MYO3B: variants seen among roughly 807,000 people sequenced by gnomAD.
MYO3B encodes the protein myosin-IIIb.
MYO3B carries 156 observed loss-of-function variants against 174.6 expected under a neutral mutation model. The observed-to-expected ratio is 0.89, with a 90% CI of 0.78 to 1.02. The LOEUF (loss-of-function observed/expected upper bound fraction) is 1.02, where lower values mean the gene tolerates loss of function less well. Ranked by LOEUF, MYO3B falls within the 50% of genes least tolerant of loss-of-function variation. The probability of loss-of-function intolerance (pLI) is 0.00; values close to 1 mark genes in which losing one functional copy is unlikely to be tolerated. For synonymous variants in MYO3B, 563 were observed against 569.1 expected (o/e 0.99, Z 0.15); for missense variants, 1,632 against 1,639.4 (o/e 1.00, Z 0.08).
At chr2:170,350,283 A>C (rs999257724) in intron 8 of MYO3B, 3 of 150,762 alleles carry the variant, frequency 2.0e-5, no homozygotes, top group Admixed American at 6.6e-5. Flanking sequence ...TAACTGTAAG[A>C]AGAAACATGA....
chr2:170,378,385 C>T (rs1174378653), intron 9 of MYO3B, among the ~76,000 whole-genome samples: 2 of 152,174 alleles, frequency 1.3e-5, no homozygotes, highest in African/African-American at 2.4e-5. Flanking sequence ...AGAAGTCTTG[C>T]ATCTACATCC....
At chr2:170,231,023 T>C (rs570400154) in intron 6 of MYO3B, among the ~76,000 whole-genome samples, 1 of 152,342 alleles carries the variant, frequency 6.6e-6, no homozygotes, top group African/African-American at 2.4e-5. Context: ...CTGTTGTTTT[T>C]CTCTGCCATT....
intron 28 of MYO3B, among the ~76,000 whole-genome samples, chr2:170,509,650 T>G (rs1575094385): frequency 6.6e-6 from 1 of 152,206 alleles, no homozygotes; most frequent in African/African-American, 2.4e-5. Flanking sequence ...AAGCTCAAAA[T>G]TGTTAAGACT....
At chr2:170,279,938 T>C (rs1048588422) in intron 7 of MYO3B, among the ~76,000 whole-genome samples, 1 of 152,230 alleles carries the variant, frequency 6.6e-6, no homozygotes, top group Non-Finnish European at 1.5e-5. Flanking sequence ...TGTGTGCATA[T>C]GTCTTTATGG....
intron 32 of MYO3B, among the ~76,000 whole-genome samples, chr2:170,591,836 T>G (rs1693836116): frequency 6.6e-6 from 1 of 152,202 alleles, no homozygotes; most frequent in Admixed American, 6.5e-5. Context: ...CGTATTGAAC[T>G]TAAAAACACA....
intron 23 of MYO3B, among the ~76,000 whole-genome samples, chr2:170,451,266 A>G (rs72878256): frequency 0.066 from 9,989 of 152,352 alleles, 425 homozygotes; most frequent in South Asian, 0.094. Flanking sequence ...TGATTTTAAT[A>G]TATACTAGCT....
At chr2:170,401,444 T>C (rs374793630) in intron 17 of MYO3B, 37 bp from the exon 18 acceptor site, 58 of 1,576,414 alleles carry the variant, frequency 3.7e-5, no homozygotes, top group Non-Finnish European at 4.4e-5. Flanking sequence ...AATGAAGGTC[T>C]GGCTACATTC....
chr2:170,592,228 A>G (rs1174756890), intron 32 of MYO3B, among the ~76,000 whole-genome samples: 1 of 152,180 alleles, frequency 6.6e-6, no homozygotes, highest in African/African-American at 2.4e-5. Flanking sequence ...AGGATGTTTC[A>G]GGCGTGGCAG....
At chr2:170,290,214 A>T (rs978179817) in intron 7 of MYO3B, among the ~76,000 whole-genome samples, 1 of 152,012 alleles carries the variant, frequency 6.6e-6, no homozygotes, top group African/African-American at 2.4e-5. Context: ...TGTGGAGTTT[A>T]ACTCTACTTT....
At chr2:170,459,933 G>A (rs935326987) in intron 23 of MYO3B, among the ~76,000 whole-genome samples, 1 of 152,246 alleles carries the variant, frequency 6.6e-6, no homozygotes, top group Admixed American at 6.5e-5. Context: ...AGGGCCGACT[G>A]AGCCTGCCCC....
chr2:170,551,325 A>G (rs1196046922), intron 32 of MYO3B, among the ~76,000 whole-genome samples: 1 of 88,010 alleles, frequency 1.1e-5, no homozygotes, highest in Non-Finnish European at 2.2e-5. Context: ...ATGTTTTCAT[A>G]TATATTTAAT....
At chr2:170,592,742 G>A (rs1402348780) in intron 32 of MYO3B, among the ~76,000 whole-genome samples, 1 of 152,116 alleles carries the variant, frequency 6.6e-6, no homozygotes, top group African/African-American at 2.4e-5. Context: ...GGCCATGGTA[G>A]ATGCTCAATA....
At chr2:170,516,483 A>G (rs1423493788) in intron 29 of MYO3B, among the ~76,000 whole-genome samples, 1 of 151,976 alleles carries the variant, frequency 6.6e-6, no homozygotes, top group African/African-American at 2.4e-5. Context: ...CTCTACTAAA[A>G]ATACAAAAAA....
chr2:170,382,356 T>C (rs1365549607), intron 10 of MYO3B: 9 of 344,928 alleles, frequency 2.6e-5, no homozygotes, highest in African/African-American at 1.6e-4. Context: ...GCTCTTTATA[T>C]TGTAGCCTTA....
intron 32 of MYO3B, among the ~76,000 whole-genome samples, chr2:170,649,491 C>A (rs1698836528): frequency 1.5e-5 from 2 of 135,306 alleles, no homozygotes; most frequent in South Asian, 2.3e-4. Context: ...CTTACTTTTA[C>A]TTAAACCTTT....
chr2:170,510,082 G>T (rs1687888597), intron 28 of MYO3B, among the ~76,000 whole-genome samples: 1 of 152,324 alleles, frequency 6.6e-6, no homozygotes, highest in East Asian at 1.9e-4. Context: ...TGACAGTTGA[G>T]ATGTACAAGT....
intron 8 of MYO3B, among the ~76,000 whole-genome samples, chr2:170,365,638 A>G (rs2094192724): frequency 6.6e-6 from 1 of 152,166 alleles, no homozygotes; most frequent in Admixed American, 6.5e-5. Flanking sequence ...AAAAATATAG[A>G]GAGGAGTATT....
chr2:170,247,867 A>G (rs540631204), intron 7 of MYO3B, among the ~76,000 whole-genome samples: 63 of 152,340 alleles, frequency 4.1e-4, no homozygotes, highest in Non-Finnish European at 6.5e-4. Flanking sequence ...ATTTCAACCT[A>G]TGAATTTTGA....
intron 27 of MYO3B, 122 bp from the exon 28 acceptor site, chr2:170,501,663 C>A: frequency 1.6e-6 from 1 of 636,896 alleles, no homozygotes; most frequent in Non-Finnish European, 2.8e-6. Context: ...TTATTTTGTT[C>A]AGTGAGAAAG....
Sources: gnomAD v4.1 joint callset for allele counts (sites outside exome capture counted in the v4.1 genomes callset) on GRCh38, gnomAD v4.1.1 for gene constraint, MANE v1.5 for transcripts, NCBI Gene and HGNC (gene_info 2026-07-23, HGNC 2026-07-21) for gene names.